The following CYP7A1 variants were observed in gnomAD, a reference collection of about 807,000 sequenced individuals.
CYP7A1 encodes cytochrome P450 7A1.
In CYP7A1, 28 loss-of-function variants were observed where a neutral mutation model predicts 43.8. That is an observed-to-expected ratio of 0.64 (90% CI 0.47 to 0.88). The LOEUF is 0.88. CYP7A1 is among the 40% of genes least tolerant of loss of function. CYP7A1 has a pLI of 0.00. For synonymous variants in CYP7A1, 227 were observed against 222.5 expected (o/e 1.02, Z -0.18); for missense variants, 637 against 611.9 (o/e 1.04, Z -0.43).
intron 1 of CYP7A1, among the ~76,000 whole-genome samples, chr8:58,499,560 C>G (rs1227864137): frequency 6.6e-6 from 1 of 152,198 alleles, no homozygotes; most frequent in Non-Finnish European, 1.5e-5. Flanking sequence ...CTTGTTCAGG[C>G]TTAGGCTGAG....
In CYP7A1 at chr8:58,496,858, G is replaced by T. The variant is rs942874526; in HGVS notation, c.654C>A (p.Ala218=). The change falls in exon 3 of 6, where the codon GCC becomes GCA. Residue 218 remains alanine, a synonymous_variant. Coordinates refer to ENST00000301645, the MANE Select transcript of CYP7A1 (RefSeq NM_000780.4). ...TGTGAATGGGGAGGCCTGCTACCAG[G>T]GCTGGAAAGACTTTGTCGAATTGCT... ...NFKQFDKVFP[A]LVAGLPIHMF... is the part of the protein sequence containing the mutation. The T allele has an allele frequency of 6.2e-7, 1 of 1,614,188 alleles. No homozygotes were observed. The highest frequency in any genetic ancestry group is 1.7e-5 in the Admixed American group (1 of 60,026).
chr8:58,497,221 A>C (rs1809459829), intron 2 of CYP7A1, 31 bp from the exon 3 acceptor site: 1 of 1,550,000 alleles, frequency 6.5e-7, no homozygotes. Context: ...CAGAAAAAGA[A>C]GTTAAACCTG....
chr8:58,491,740 C>T lies in CYP7A1; in HGVS notation c.1250G>A (p.Gly417Glu), dbSNP rs1273228573. 1 of 1,613,614 alleles carries T rather than the reference C, an allele frequency of 6.2e-7. No individual in the cohort carries two copies. The highest frequency in any genetic ancestry group is 8.5e-7 in the Non-Finnish European group (1 of 1,179,604). The change falls in exon 6 of 6, where the codon GGG becomes GAG. Residue 417 changes from glycine to glutamate, a missense_variant. Gly to Glu is a moderately conservative substitution (Grantham distance 98, BLOSUM62 -2). Transcript: ENST00000301645. ...ACAATAGAAGGTAGTCTTTGTCTTCCCGTTTTCATCAAGATACCTATCATA... is the reference window on the plus strand; with the variant it reads ...ACAATAGAAGGTAGTCTTTGTCTTCTCGTTTTCATCAAGATACCTATCATA... ...FKYDRYLDENGKTKTTFYCNG... is the reference protein window; with the variant it reads ...FKYDRYLDENEKTKTTFYCNG...
At chr8:58,493,135 G>T (rs547608871) in intron 4 of CYP7A1, among the ~76,000 whole-genome samples, 4 of 152,114 alleles carry the variant, frequency 2.6e-5, no homozygotes, top group Admixed American at 1.3e-4. Context: ...TAATCATCTT[G>T]GTCATAATTG....
At chr8:58,494,483 C>G (rs1809407064) in intron 4 of CYP7A1, 23 bp downstream of exon 4, 1 of 1,612,600 alleles carries the variant, frequency 6.2e-7, no homozygotes, top group Non-Finnish European at 8.5e-7. Context: ...GAAAATGAAA[C>G]TCAACATAAC....
Position 58,494,699 on chromosome 8 carries a change from C to T in CYP7A1, c.909-63G>A, listed in dbSNP as rs2129605831. On this transcript the variant is annotated intron_variant, in intron 3 of 5. Coordinates refer to ENST00000301645, the MANE Select transcript of CYP7A1 (RefSeq NM_000780.4). ...ATAAACTTTTTCCATACTTTGAGAT[C>T]TGCAAACAAATAGGCCTTTCCCCCT... 4 of 1,526,448 alleles carry T rather than the reference C, an allele frequency of 2.6e-6. No homozygotes were observed. The East Asian group carries it at 9.0e-5, about 34-fold the overall frequency. 94.6% of individuals were successfully genotyped at this position (1,526,448 alleles called of 1,614,324 possible).
intron 2 of CYP7A1, 98 bp from the exon 3 acceptor site, chr8:58,497,288 TG>T: frequency 9.7e-7 from 1 of 1,028,608 alleles, no homozygotes; most frequent in Non-Finnish European, 1.5e-6. Context: ...GTTCCTTACT[TG>T]GTAAACACGG....
rs201568509 is a variant in CYP7A1, at chr8:58,494,490, T to C, written c.1039+16A>G. 6.2e-7 allele frequency: 1 copy of C among 1,613,562 alleles called. No homozygotes were observed. Among genetic ancestry groups the C allele is most frequent in the East Asian group, 2.2e-5 (1 of 44,832 alleles). On this transcript the variant is annotated intron_variant, in intron 4 of 5. Transcript: ENST00000301645. ...AGGACATAGAAAATGAAACTCAACATAACAAGTATACCCACCTAATACTGG... is the reference window on the plus strand; with the variant it reads ...AGGACATAGAAAATGAAACTCAACACAACAAGTATACCCACCTAATACTGG...
At position 58,496,809 on chromosome 8, in the gene CYP7A1, G is replaced by A. The variant is rs778528720; in HGVS notation, c.703C>T (p.Arg235Trp). ...IHMFRTAHNA[R>W]EKLAESLRHE... ...CTCAAGCTCTCTGCCAGTTTCTCCCGGGCATTGTGCGCAGTCCTGAACATG... is the reference window on the plus strand; with the variant it reads ...CTCAAGCTCTCTGCCAGTTTCTCCCAGGCATTGTGCGCAGTCCTGAACATG... Residue 235 changes from arginine to tryptophan, a missense_variant, in exon 3 of 6, where the codon CGG becomes TGG. Transcript: ENST00000301645. The A allele has an allele frequency of 9.3e-6, 15 of 1,614,052 alleles. No individual in the cohort carries two copies. The highest frequency in any genetic ancestry group is 2.2e-5 in the East Asian group (1 of 44,892).
chr8:58,499,628 A>G (rs1248409602), intron 1 of CYP7A1, among the ~76,000 whole-genome samples: 1 of 152,200 alleles, frequency 6.6e-6, no homozygotes, highest in East Asian at 1.9e-4. Context: ...AAGAGTATCT[A>G]TTGAAGCCAT....
intron 4 of CYP7A1, among the ~76,000 whole-genome samples, chr8:58,493,794 G>T (rs1266720114): frequency 6.6e-6 from 1 of 152,166 alleles, no homozygotes; most frequent in Non-Finnish European, 1.5e-5. Context: ...GAGGTCAGGA[G>T]TTCGAGACCA....
In CYP7A1 at chr8:58,496,671, C is replaced by T. The variant is rs1210055982; in HGVS notation, c.841G>A (p.Val281Met). 1.9e-6 allele frequency: 3 copies of T among 1,614,072 alleles called. No homozygotes were observed. The highest frequency in any genetic ancestry group is 2.5e-6 in the Non-Finnish European group (3 of 1,180,030). ...DDLEKAKTHL[V>M]VLWASQANTI... ...TTTGCTTGCGATGCCCAGAGGACCA[C>T]GAGGTGTGTCTTGGCCTTCTCCAGA... is the stretch of plus-strand genomic sequence containing the variant. Residue 281 changes from valine to methionine, a missense_variant, in exon 3 of 6, where the codon GTG (valine) becomes ATG (methionine). Val to Met is a conservative substitution (Grantham distance 21). Coordinates refer to ENST00000301645, the MANE Select transcript of CYP7A1 (RefSeq NM_000780.4).
rs1434830576 is a variant in CYP7A1, at chr8:58,498,449, A to G, written c.101T>C (p.Leu34Pro). 1.2e-6 allele frequency: 2 copies of G among 1,614,116 alleles called. No homozygotes were observed. Among genetic ancestry groups the G allele is most frequent in the Non-Finnish European group, 1.7e-6 (2 of 1,179,974 alleles). ...CAGGTATGGAATTAATCCATTCTCT[A>G]GAGGTGGTTCACCCGTTTGCCTGTC... is the stretch of plus-strand genomic sequence containing the variant. ...IRRRQTGEPP[L>P]ENGLIPYLGC... The change falls in exon 2 of 6, where the codon CTA (leucine) becomes CCA (proline). Residue 34 changes from leucine (L) to proline (P), a missense_variant. Physicochemically the swap from Leu to Pro is moderately conservative, Grantham distance 98. Transcript: ENST00000301645.
In CYP7A1 at chr8:58,490,278, AT is replaced by A. The variant is rs1486022763; in HGVS notation, c.*1196del. On this transcript the variant is annotated 3_prime_UTR_variant, in exon 6 of 6. Transcript: ENST00000301645. The stretch of plus-strand genomic sequence containing the variant: ...TAAAATAAGCAAAAAGGTAAATATA[AT>A]TTAAATATAAATACTACACAGAAAT... 1 of 152,230 alleles carries A rather than the reference AT, an allele frequency of 6.6e-6. No individual in the cohort carries two copies. Among genetic ancestry groups the A allele is most frequent in the East Asian group, 1.9e-4 (1 of 5,204 alleles). The allele number at this position is 152,230 out of a possible 1,614,324, so 9.4% of individuals were successfully genotyped here.
In CYP7A1 at chr8:58,497,167, G is replaced by A. The variant is rs1809458955; in HGVS notation, c.345C>T (p.Asp115=). 1 of 1,599,646 alleles carries A rather than the reference G, an allele frequency of 6.3e-7. No individual in the cohort carries two copies. The highest frequency in any genetic ancestry group is 1.7e-5 in the Admixed American group (1 of 60,028). The change falls in exon 3 of 6, where the codon GAC becomes GAT. Residue 115 remains aspartate, a synonymous_variant. Transcript: ENST00000301645. Reference sequence around the variant, plus strand: ...TTTCAGTGGTATTTCCATCCATCGGGTCAATGCTTCTGTGCCCAAATGCCT... The same window carrying A: ...TTTCAGTGGTATTTCCATCCATCGGATCAATGCTTCTGTGCCCAAATGCCT... ...SAKAFGHRSI[D]PMDGNTTENI...
Position 58,496,677 on chromosome 8 carries a change from G to A in CYP7A1, c.835C>T (p.His279Tyr). The A allele has an allele frequency of 1.9e-6, 3 of 1,614,238 alleles. No homozygotes were observed. The highest frequency in any genetic ancestry group is 1.7e-6 in the Non-Finnish European group (2 of 1,180,034). ...TGCGATGCCCAGAGGACCACGAGGT[G>A]TGTCTTGGCCTTCTCCAGATCATCA... is the stretch of plus-strand genomic sequence containing the variant. ...TFDDLEKAKT[H>Y]LVVLWASQAN... The change falls in exon 3 of 6, where the codon CAC becomes TAC. Residue 279 changes from histidine to tyrosine, a missense_variant. By Grantham distance (83) the His-to-Tyr change is moderately conservative (BLOSUM62 2). Transcript: ENST00000301645.
chr8:58,495,517 T>C (rs183262966), intron 3 of CYP7A1, among the ~76,000 whole-genome samples: 9 of 152,286 alleles, frequency 5.9e-5, no homozygotes, highest in East Asian at 1.9e-4. Context: ...CGTGAGCCAT[T>C]GCGCCCGGCC....
Position 58,498,437 on chromosome 8 carries a change from A to G in CYP7A1, c.113T>C (p.Leu38Ser). ...QTGEPPLENG[L>S]IPYLGCALQF... ...CAGAGCACAGCCCAGGTATGGAATTAATCCATTCTCTAGAGGTGGTTCACC... is the reference window on the plus strand; with the variant it reads ...CAGAGCACAGCCCAGGTATGGAATTGATCCATTCTCTAGAGGTGGTTCACC... The change falls in exon 2 of 6, where the codon TTA becomes TCA. Residue 38 changes from leucine to serine, a missense_variant. Coordinates refer to ENST00000301645, the MANE Select transcript of CYP7A1 (RefSeq NM_000780.4). 6.2e-7 allele frequency: 1 copy of G among 1,614,134 alleles called. No homozygotes were observed. The highest frequency in any genetic ancestry group is 2.2e-5 in the East Asian group (1 of 44,884).
chr8:58,499,807 C>A (rs1809503452), intron 1 of CYP7A1, among the ~76,000 whole-genome samples: 2 of 151,910 alleles, frequency 1.3e-5, no homozygotes, highest in East Asian at 3.9e-4. Context: ...TCGGTATATG[C>A]CAATACTAAA....
Sources: allele counts gnomAD v4.1 joint callset (sites outside exome capture counted in the v4.1 genomes callset), GRCh38; gene constraint gnomAD v4.1.1; transcripts MANE v1.5; gene names NCBI Gene and HGNC (gene_info 2026-07-23, HGNC 2026-07-21).